WDR20: variants seen among roughly 807,000 people sequenced by gnomAD.
The protein encoded by WDR20 is WD repeat domain 20.
In WDR20, 3 loss-of-function variants were observed where a neutral mutation model predicts 38.7. The ratio of observed to expected loss-of-function variants is 0.08; its 90% CI spans 0.04 to 0.20. The LOEUF (loss-of-function observed/expected upper bound fraction) is 0.20, where lower values mean the gene tolerates loss of function less well. Ranked by LOEUF, WDR20 falls within the 10% of genes least tolerant of loss-of-function variation. The pLI is 1.00. For missense variants in WDR20, 559 were observed against 727.7 expected, an observed-to-expected ratio of 0.77 and a Z score of 2.67; for synonymous variants, 298 against 285.6, an observed-to-expected ratio of 1.04 and a Z score of -0.44.
At chr14:102,217,602 C>CCTGGGCTGGGCT (rs1408348396), downstream of WDR20, among the ~76,000 whole-genome samples, 2 of 152,164 alleles carry the variant, frequency 1.3e-5, no homozygotes, top group African/African-American at 4.8e-5. Flanking sequence ...TCCCGACGTC[C>CCTGGGCTGGGCT]CTGGGCTGGG....
At chr14:102,182,052 G>C (rs1381387147) in intron 1 of WDR20, among the ~76,000 whole-genome samples, 1 of 152,112 alleles carries the variant, frequency 6.6e-6, no homozygotes, top group East Asian at 1.9e-4. Flanking sequence ...CCTTTTAGCT[G>C]TTTCTTCTGG....
intron 1 of WDR20, among the ~76,000 whole-genome samples, chr14:102,143,848 C>T (rs116543672): frequency 0.039 from 5,918 of 151,324 alleles, 386 homozygotes; most frequent in African/African-American, 0.14. Flanking sequence ...CGGCCGTAAA[C>T]ATCTTTATTA....
At chr14:102,203,183 C>T (rs564181942) in intron 2 of WDR20, among the ~76,000 whole-genome samples, 1 of 152,320 alleles carries the variant, frequency 6.6e-6, no homozygotes, top group East Asian at 1.9e-4. Context: ...CCTCCACTGT[C>T]TGCAGCAGCA....
At chr14:102,161,155 T>A (rs1472593117) in intron 1 of WDR20, among the ~76,000 whole-genome samples, 1 of 72,936 alleles carries the variant, frequency 1.4e-5, no homozygotes, top group Non-Finnish European at 2.8e-5. Flanking sequence ...TTTTTTTTTT[T>A]TTTTTTTTTT....
At chr14:102,182,611 AC>A (rs1285810478) in intron 1 of WDR20, among the ~76,000 whole-genome samples, 15 of 151,864 alleles carry the variant, frequency 9.9e-5, no homozygotes, top group Non-Finnish European at 1.5e-5. Flanking sequence ...TTTTTCTGTG[AC>A]CCTAATACCA....
chr14:102,166,201 A>G (rs1340054564), intron 1 of WDR20, among the ~76,000 whole-genome samples: 2 of 148,804 alleles, frequency 1.3e-5, no homozygotes, highest in Admixed American at 1.4e-4. Context: ...CTGATCTCGA[A>G]CTCCTGAGCT....
At chr14:102,157,812 G>A (rs1447394556) in intron 1 of WDR20, among the ~76,000 whole-genome samples, 2 of 152,086 alleles carry the variant, frequency 1.3e-5, no homozygotes, top group Non-Finnish European at 2.9e-5. Flanking sequence ...CTTGGGGAGG[G>A]TAGGATTATC....
intron 2 of WDR20, among the ~76,000 whole-genome samples, chr14:102,203,821 T>C (rs563156397): frequency 2.7e-5 from 4 of 149,286 alleles, no homozygotes; most frequent in Non-Finnish European, 6.0e-5. Context: ...CTGACTAAGA[T>C]TTTTTTTTTT....
downstream of WDR20, among the ~76,000 whole-genome samples, chr14:102,218,354 G>A (rs1175167337): frequency 6.6e-6 from 1 of 152,142 alleles, no homozygotes; most frequent in Non-Finnish European, 1.5e-5. Flanking sequence ...GGGTCGTGGG[G>A]GTCAGAAGGG....
intron 2 of WDR20, among the ~76,000 whole-genome samples, chr14:102,206,292 G>A (rs2061529732): frequency 6.6e-6 from 1 of 152,160 alleles, no homozygotes; most frequent in African/African-American, 2.4e-5. Flanking sequence ...TGGCCACAGT[G>A]CAGCTTCTTA....
chr14:102,195,187 G>T, intron 2 of WDR20, 67 bp downstream of exon 2: 1 of 1,554,492 alleles, frequency 6.4e-7, no homozygotes, highest in Non-Finnish European at 8.7e-7. Flanking sequence ...ACCGAGGGTA[G>T]TCGGCCTTAT....
At chr14:102,180,694 G>A (rs2063204322) in intron 1 of WDR20, among the ~76,000 whole-genome samples, 1 of 152,214 alleles carries the variant, frequency 6.6e-6, no homozygotes, top group African/African-American at 2.4e-5. Flanking sequence ...GGAGAGATCA[G>A]ATCTTGCTGT....
At chr14:102,165,566 T>A (rs992958201) in intron 1 of WDR20, among the ~76,000 whole-genome samples, 6 of 152,096 alleles carry the variant, frequency 3.9e-5, no homozygotes, top group Admixed American at 3.9e-4. Context: ...GTGGGTATAA[T>A]CATTGTGGTA....
At chr14:102,140,642 A>C (rs2050642993) in intron 1 of WDR20, among the ~76,000 whole-genome samples, 1 of 152,042 alleles carries the variant, frequency 6.6e-6, no homozygotes, top group African/African-American at 2.4e-5. Flanking sequence ...CGGGAAGCGG[A>C]GCATTGAGAC....
At chr14:102,185,587 G>A (rs2064462364) in intron 1 of WDR20, among the ~76,000 whole-genome samples, 1 of 152,144 alleles carries the variant, frequency 6.6e-6, no homozygotes, top group Admixed American at 6.5e-5. Context: ...CAAAATGGGA[G>A]TGGCAGTTGT....
intron 1 of WDR20, among the ~76,000 whole-genome samples, chr14:102,181,295 AG>A (rs1480125818): frequency 3.3e-5 from 5 of 152,330 alleles, no homozygotes; most frequent in Admixed American, 6.5e-5. Flanking sequence ...AGGTGAGAGG[AG>A]AAGGAGACTG....
intron 2 of WDR20, among the ~76,000 whole-genome samples, chr14:102,197,343 A>G (rs2059583377): frequency 6.6e-6 from 1 of 152,238 alleles, no homozygotes; most frequent in African/African-American, 2.4e-5. Flanking sequence ...ACGTGTCAGC[A>G]CAGCGATATG....
chr14:102,206,964 A>G (rs2061656439), intron 2 of WDR20, among the ~76,000 whole-genome samples: 1 of 152,172 alleles, frequency 6.6e-6, no homozygotes, highest in African/African-American at 2.4e-5. Flanking sequence ...TCTAATGGAA[A>G]TCCTGCCAGA....
rs1287077257 is a variant in WDR20 at position 102,220,056 on chromosome 14, G to A, written c.1693-2774G>A. Among the ~76,000 whole-genome samples the A allele has an allele frequency of 2.0e-5, 3 of 152,244 alleles. No individual in the cohort carries two copies. The highest frequency in any genetic ancestry group is 1.9e-4 in the East Asian group (1 of 5,192). On this transcript the variant is annotated intron_variant, in intron 3 of 3. Transcript: ENST00000335263. The surrounding 1 kb of genome is among the most constrained non-coding windows in gnomAD (Gnocchi z 4.2). ...GGAGAATAGGAAGCCTGCAGCCCTC[G>A]CGTTGGGTCGCTTTCTAGGGGTGCG...
Sources: gnomAD v4.1 joint callset for allele counts (sites outside exome capture counted in the v4.1 genomes callset) on GRCh38, gnomAD v4.1.1 for gene constraint, Gnocchi (gnomAD v3.1) non-coding constraint, MANE v1.5 for transcripts, NCBI Gene and HGNC (gene_info 2026-07-23, HGNC 2026-07-21) for gene names.